The following CAMKMT variants were observed in gnomAD, a reference collection of about 807,000 sequenced individuals.
CAMKMT encodes the protein CaM KMT.
In CAMKMT, 53 loss-of-function variants were observed where a neutral mutation model predicts 48.0. The ratio of observed to expected loss-of-function variants is 1.10; its 90% CI spans 0.89 to 1.39. The LOEUF (loss-of-function observed/expected upper bound fraction) is 1.39, where lower values mean the gene tolerates loss of function less well. Among genes scored for constraint, CAMKMT ranks in the 40% most tolerant of loss-of-function variants. The pLI, the probability that CAMKMT is intolerant of heterozygous loss-of-function variation, is 0.00. For missense variants in CAMKMT, 428 were observed against 402.7 expected (o/e 1.06, Z -0.54); for synonymous variants, 165 against 152.3 (o/e 1.08, Z -0.61).
chr2:44,391,237 A>C (rs867641205), intron 3 of CAMKMT, among the ~76,000 whole-genome samples: 50 of 152,194 alleles, frequency 3.3e-4, no homozygotes, highest in African/African-American at 1.0e-3. Flanking sequence ...ACATTATGAT[A>C]AGCTTTTGAT....
At chr2:44,522,222 G>C (rs1671153452) in intron 3 of CAMKMT, among the ~76,000 whole-genome samples, 1 of 151,926 alleles carries the variant, frequency 6.6e-6, no homozygotes, top group Admixed American at 6.5e-5. Context: ...AGCCGGGATG[G>C]TCTTGATCTC....
At chr2:44,606,818 C>A (rs1558740081) in intron 3 of CAMKMT, among the ~76,000 whole-genome samples, 1 of 151,258 alleles carries the variant, frequency 6.6e-6, no homozygotes, top group East Asian at 1.9e-4. Context: ...ACCCCCCCCC[C>A]ACCAAGATTA....
At chr2:44,546,359 C>G (rs527495946) in intron 3 of CAMKMT, among the ~76,000 whole-genome samples, 42 of 152,294 alleles carry the variant, frequency 2.8e-4, no homozygotes, top group African/African-American at 9.6e-4. Context: ...TGATGCATCT[C>G]TCCTGAGGTC....
At chr2:44,448,049 A>T (rs1667098975) in intron 3 of CAMKMT, among the ~76,000 whole-genome samples, 3 of 152,178 alleles carry the variant, frequency 2.0e-5, no homozygotes, top group Admixed American at 2.0e-4. Context: ...TTATTACAAG[A>T]TTTATTCACG....
chr2:44,442,586 T>C (rs961683353), intron 3 of CAMKMT, among the ~76,000 whole-genome samples: 3 of 152,184 alleles, frequency 2.0e-5, no homozygotes, highest in African/African-American at 7.2e-5. Flanking sequence ...TGCATTTCAA[T>C]ATAATGTTAG....
At chr2:44,438,658 C>T (rs770295847) in intron 3 of CAMKMT, among the ~76,000 whole-genome samples, 12 of 152,006 alleles carry the variant, frequency 7.9e-5, no homozygotes, top group Non-Finnish European at 1.8e-4. Context: ...CACCTTTATA[C>T]TTTTTGACAC....
chr2:44,758,018 G>A (rs1362165503), intron 9 of CAMKMT, among the ~76,000 whole-genome samples: 1 of 152,188 alleles, frequency 6.6e-6, no homozygotes. Flanking sequence ...ACCTGTAGCA[G>A]GCCCTGTACT....
chr2:44,425,116 C>T (rs544980597), intron 3 of CAMKMT, among the ~76,000 whole-genome samples: 1 of 152,210 alleles, frequency 6.6e-6, no homozygotes, highest in East Asian at 1.9e-4. Context: ...TTTCAAATTG[C>T]ATGGACTCCT....
chr2:44,554,278 G>C (rs912026454), intron 3 of CAMKMT, among the ~76,000 whole-genome samples: 2 of 152,216 alleles, frequency 1.3e-5, no homozygotes, highest in Non-Finnish European at 1.5e-5. Flanking sequence ...CATTATGATA[G>C]AGGTATGCAC....
intron 3 of CAMKMT, among the ~76,000 whole-genome samples, chr2:44,478,823 C>T (rs559689770): frequency 6.6e-6 from 1 of 152,006 alleles, no homozygotes; most frequent in East Asian, 1.9e-4. Flanking sequence ...GCCTCAGCCT[C>T]CCGAGTAGCC....
intron 3 of CAMKMT, chr2:44,631,344 A>T (rs184118213): frequency 6.1e-6 from 2 of 325,940 alleles, no homozygotes; most frequent in Non-Finnish European, 1.1e-5. Flanking sequence ...ACATGTATAC[A>T]TATGTAACTA....
At chr2:44,744,075 G>C (rs1351642688) in intron 8 of CAMKMT, among the ~76,000 whole-genome samples, 1 of 152,150 alleles carries the variant, frequency 6.6e-6, no homozygotes, top group Non-Finnish European at 1.5e-5. Context: ...CTTCTTAGGA[G>C]AGATCTGACT....
rs1238707683 is a variant in CAMKMT, at chr2:44,589,073, G to A, written c.377-115210G>A. Among the ~76,000 whole-genome samples, 88 of 30,594 alleles carry A rather than the reference G, an allele frequency of 2.9e-3. 13 individuals are homozygous for A. The highest frequency in any genetic ancestry group is 4.1e-4 in the Non-Finnish European group (6 of 14,764). 20.1% of individuals were successfully genotyped at this position (30,594 alleles called of 152,430 possible). A position where few individuals can be genotyped will look rare whatever the true frequency, so the allele number is the denominator to read the frequency against. ...AGGTGAGGGGCGCCTCTGCCCGGCC[G>A]CCCCTACTGGGAAGTGAGGAGCCCC... On this transcript the variant is annotated intron_variant, in intron 3 of 10. Coordinates refer to ENST00000378494, the MANE Select transcript of CAMKMT (RefSeq NM_024766.5).
At chr2:44,456,129 A>G (rs1396739828) in intron 3 of CAMKMT, among the ~76,000 whole-genome samples, 4 of 152,210 alleles carry the variant, frequency 2.6e-5, no homozygotes, top group African/African-American at 4.8e-5. Context: ...AAGTCAGGTC[A>G]ACATGAATCC....
chr2:44,536,587 C>A (rs895309512), intron 3 of CAMKMT, among the ~76,000 whole-genome samples: 1 of 151,996 alleles, frequency 6.6e-6, no homozygotes, highest in Non-Finnish European at 1.5e-5. Flanking sequence ...CTCAGCCTCC[C>A]AAAGTGCTAG....
chr2:44,626,732 C>T (rs1672504163), intron 3 of CAMKMT, among the ~76,000 whole-genome samples: 1 of 152,266 alleles, frequency 6.6e-6, no homozygotes, highest in South Asian at 2.1e-4. Context: ...ACCTCCTAAA[C>T]TCATCATTTT....
At chr2:44,705,579 G>A (rs1327670561) in intron 4 of CAMKMT, 3 of 971,266 alleles carry the variant, frequency 3.1e-6, no homozygotes, top group Non-Finnish European at 3.7e-6. Context: ...CTTTAACTCT[G>A]AGCCGCTTTA....
chr2:44,409,492 G>A (rs142364259), intron 3 of CAMKMT, among the ~76,000 whole-genome samples: 2 of 152,082 alleles, frequency 1.3e-5, no homozygotes, highest in Admixed American at 6.5e-5. Flanking sequence ...ATGTTATTGC[G>A]TTATCACAAA....
chr2:44,454,576 G>T (rs767216651), intron 3 of CAMKMT, among the ~76,000 whole-genome samples: 1 of 152,086 alleles, frequency 6.6e-6, no homozygotes, highest in Non-Finnish European at 1.5e-5. Context: ...TTAAAAGTTA[G>T]CTTTGCTTAG....
Sources: gnomAD v4.1 joint callset for allele counts (sites outside exome capture counted in the v4.1 genomes callset) on GRCh38, gnomAD v4.1.1 for gene constraint, MANE v1.5 for transcripts, NCBI Gene and HGNC (gene_info 2026-07-23, HGNC 2026-07-21) for gene names.